ZNF106: variants seen among roughly 807,000 people sequenced by gnomAD.
ZNF106 encodes zinc finger protein 106.
In ZNF106, 67 loss-of-function variants were observed where a neutral mutation model predicts 195.1. That is an observed-to-expected ratio of 0.34 (90% CI 0.28 to 0.42). The LOEUF (loss-of-function observed/expected upper bound fraction) is 0.42. Among genes scored for constraint, ZNF106 ranks in the 10% least tolerant of loss-of-function variants. The pLI, the probability that ZNF106 is intolerant of heterozygous loss-of-function variation, is 1.00. For synonymous variants in ZNF106, 784 were observed against 818.6 expected, an observed-to-expected ratio of 0.96 and a Z score of 0.72; for missense variants, 2,118 against 2,304.5, an observed-to-expected ratio of 0.92 and a Z score of 1.66.
intron 9 of ZNF106, 44 bp from the exon 10 acceptor site, chr15:42,442,458 C>A: frequency 6.6e-7 from 1 of 1,511,056 alleles, no homozygotes; most frequent in South Asian, 1.3e-5. Flanking sequence ...AAAATGTTAT[C>A]TGAAAAGTCA....
Position 42,445,050 on chromosome 15 carries a change from C to G in ZNF106, c.3206-69G>C, listed in dbSNP as rs2055718030. On this transcript the variant is annotated intron_variant, in intron 7 of 21. Coordinates refer to ENST00000564754, the MANE Select transcript of ZNF106 (RefSeq NM_001366845.3). ...CCCTCTCATCACACAGCTCAGAAGACTAAACTATACCCATTATTTAGGATA... is the reference window on the plus strand; with the variant it reads ...CCCTCTCATCACACAGCTCAGAAGAGTAAACTATACCCATTATTTAGGATA... The G allele has an allele frequency of 3.9e-6, 6 of 1,546,378 alleles. No homozygotes were observed. In the South Asian group the frequency reaches 7.2e-5, roughly 19 times the overall value.
At chr15:42,444,178 A>G (rs779843485) in intron 9 of ZNF106, 24 bp downstream of exon 9, 13 of 1,541,878 alleles carry the variant, frequency 8.4e-6, no homozygotes, top group East Asian at 6.8e-5. Flanking sequence ...AGAGGGCCCA[A>G]TCCATCAGAT....
At chr15:42,462,023 G>C (rs1243423981) in intron 3 of ZNF106, among the ~76,000 whole-genome samples, 1 of 152,106 alleles carries the variant, frequency 6.6e-6, no homozygotes, top group African/African-American at 2.4e-5. Context: ...TACAGGTCAG[G>C]AACACTATAT....
rs1375862455 is a variant in ZNF106 at position 42,439,695 on chromosome 15, T to G, written c.3882A>C (p.Arg1294Ser). ...SQELKFSVEQ[R>S]NTRNRENSPS... is the part of the protein sequence containing the mutation. Reference sequence around the variant, plus strand: ...GAGAGTTTTCTCTGTTTCTGGTATTTCTTTGCTCCACAGAAAACTTCAGTT... The same window carrying G: ...GAGAGTTTTCTCTGTTTCTGGTATTGCTTTGCTCCACAGAAAACTTCAGTT... Residue 1294 changes from arginine (R) to serine (S), a missense_variant, in exon 11 of 22, where the codon AGA becomes AGC. Coordinates refer to ENST00000564754, the MANE Select transcript of ZNF106 (RefSeq NM_001366845.3). 2 of 1,613,974 alleles carry G rather than the reference T, an allele frequency of 1.2e-6. No individual in the cohort carries two copies. The highest frequency in any genetic ancestry group is 1.7e-6 in the Non-Finnish European group (2 of 1,180,026).
chr15:42,456,993 G>T lies in ZNF106; in HGVS notation c.282C>A (p.Leu94=), dbSNP rs771876702. ...EEEEDYFDKE[L]IQLIKQRKEQ... ...CTTTCCTTTGTTTTATTAACTGAAT[G>T]AGTTCCTTGTCAAAATAATCTTCTT... Residue 94 remains leucine, a synonymous_variant, in exon 4 of 22, where the codon CTC becomes CTA. Transcript: ENST00000564754. The T allele has an allele frequency of 6.2e-7, 1 of 1,612,274 alleles. No homozygotes were observed. The highest frequency in any genetic ancestry group is 8.5e-7 in the Non-Finnish European group (1 of 1,178,908).
rs910763463 is a variant in ZNF106 at position 42,416,210 on chromosome 15, T to C, written c.*1094A>G. ...TCTTCTTTCCCAGCTAGCAGGGAAGTGAAGGCAAAGAACTGTCTCAGAAAC... is the reference window on the plus strand; with the variant it reads ...TCTTCTTTCCCAGCTAGCAGGGAAGCGAAGGCAAAGAACTGTCTCAGAAAC... On this transcript the variant is annotated 3_prime_UTR_variant, in exon 22 of 22. Transcript: ENST00000564754. 1 of 152,120 alleles carries C rather than the reference T, an allele frequency of 6.6e-6. No individual in the cohort carries two copies. The highest frequency in any genetic ancestry group is 6.5e-5 in the Admixed American group (1 of 15,272). 9.4% of individuals were successfully genotyped at this position (152,120 alleles called of 1,614,324 possible).
At chr15:42,440,584 T>C (rs563390432) in intron 10 of ZNF106, among the ~76,000 whole-genome samples, 60 of 152,246 alleles carry the variant, frequency 3.9e-4, no homozygotes, top group African/African-American at 1.2e-3. Flanking sequence ...TTAAGAAAGA[T>C]TGAAATAATA....
At chr15:42,468,068 CTTTTTTT>C (rs200457966) in intron 2 of ZNF106, among the ~76,000 whole-genome samples, 14 of 102,132 alleles carry the variant, frequency 1.4e-4, no homozygotes, top group South Asian at 3.6e-4. Flanking sequence ...TTCAAAACGC[CTTTTTTT>C]TTTTTTTTTT....
At chr15:42,429,442 TA>T (rs887908937) in intron 14 of ZNF106, among the ~76,000 whole-genome samples, 199 of 144,696 alleles carry the variant, frequency 1.4e-3, no homozygotes, top group South Asian at 6.6e-3. Context: ...CCGTCTCAAT[TA>T]AAAAAAAAAA....
At position 42,415,646 on chromosome 15, in the gene ZNF106, T is replaced by C. The variant is rs2054427742; in HGVS notation, c.*1658A>G. The C allele has an allele frequency of 3.5e-6, 1 of 285,938 alleles. No individual in the cohort carries two copies. The highest frequency in any genetic ancestry group is 7.0e-6 in the Non-Finnish European group (1 of 142,814). 17.7% of individuals were successfully genotyped at this position (285,938 alleles called of 1,614,324 possible). A position where few individuals can be genotyped will look rare whatever the true frequency, so the allele number is the denominator to read the frequency against. ...CAGGGGCGAAGACAGACCTGGATGG[T>C]CTGCAATCCCAGAGAGCATGAGGCA... On this transcript the variant is annotated 3_prime_UTR_variant, in exon 22 of 22. Coordinates refer to ENST00000564754, the MANE Select transcript of ZNF106 (RefSeq NM_001366845.3).
intron 2 of ZNF106, among the ~76,000 whole-genome samples, chr15:42,470,372 G>A (rs2056638943): frequency 1.3e-5 from 2 of 151,950 alleles, no homozygotes; most frequent in Non-Finnish European, 2.9e-5. Context: ...CTGAAAATAA[G>A]TATCAGTTAT....
intron 21 of ZNF106, 76 bp downstream of exon 21, chr15:42,417,729 A>G: frequency 6.8e-7 from 1 of 1,465,702 alleles, no homozygotes; most frequent in Non-Finnish European, 9.1e-7. Flanking sequence ...AATTCTCAAT[A>G]ATAAAAAAGG....
At chr15:42,436,662 A>G (rs2055284287) in intron 13 of ZNF106, among the ~76,000 whole-genome samples, 1 of 152,264 alleles carries the variant, frequency 6.6e-6, no homozygotes, top group Non-Finnish European at 1.5e-5. Context: ...TTTTGAGAGT[A>G]ATAAGCATCA....
At chr15:42,433,899 A>C (rs1229827535) in intron 14 of ZNF106, among the ~76,000 whole-genome samples, 2 of 152,106 alleles carry the variant, frequency 1.3e-5, no homozygotes, top group Non-Finnish European at 2.9e-5. Context: ...CCCAGGCTGT[A>C]GTGAAGTGAC....
intron 1 of ZNF106, among the ~76,000 whole-genome samples, chr15:42,483,396 G>A (rs945440493): frequency 2.0e-5 from 3 of 152,132 alleles, no homozygotes; most frequent in African/African-American, 7.2e-5. Flanking sequence ...TCCATCATGC[G>A]ATGGAGTAGG....
intron 3 of ZNF106, among the ~76,000 whole-genome samples, chr15:42,460,841 CA>C (rs2056373799): frequency 7.8e-6 from 1 of 128,388 alleles, no homozygotes; most frequent in African/African-American, 3.3e-5. Context: ...GCCTGGGCAA[CA>C]AGAGCAAAAC....
intron 14 of ZNF106, among the ~76,000 whole-genome samples, chr15:42,434,635 G>T (rs1052088651): frequency 6.6e-5 from 10 of 151,910 alleles, no homozygotes; most frequent in African/African-American, 2.4e-4. Flanking sequence ...ATCTTTTAAA[G>T]AAATTAAAAA....
intron 10 of ZNF106, among the ~76,000 whole-genome samples, chr15:42,441,001 ATATATATATATATATATATATATAT>A (rs1567009288): frequency 0.012 from 198 of 16,344 alleles, 21 homozygotes; most frequent in African/African-American, 0.02. Flanking sequence ...AAAAAAAAAT[ATATATATATATATATATATATATAT>A]ATATATATAT....
intron 11 of ZNF106, 108 bp downstream of exon 11, chr15:42,438,925 C>T (rs996600446): frequency 4.6e-6 from 6 of 1,292,132 alleles, no homozygotes; most frequent in Admixed American, 2.3e-5. Context: ...CTACTGCATT[C>T]ACATAAAGTT....
Sources: allele counts gnomAD v4.1 joint callset (sites outside exome capture counted in the v4.1 genomes callset), GRCh38; gene constraint gnomAD v4.1.1; transcripts MANE v1.5; gene names NCBI Gene and HGNC (gene_info 2026-07-23, HGNC 2026-07-21).